Variants in IGHMBP2 observed in about 807,000 individuals in gnomAD.
IGHMBP2 encodes immunoglobulin mu DNA binding protein 2.
A neutral mutation model predicts 96.0 loss-of-function variants in IGHMBP2; 81 were observed. That is an observed-to-expected ratio of 0.84 (90% confidence interval 0.71 to 1.01). IGHMBP2 has a LOEUF of 1.01. Ranked by LOEUF, IGHMBP2 falls within the 50% of genes least tolerant of loss-of-function variation. The pLI is 0.00. For synonymous variants in IGHMBP2, 557 were observed against 548.9 expected (o/e 1.01, Z -0.21); for missense variants, 1,227 against 1,306.3 (o/e 0.94, Z 0.94).
At position 68,911,545 on chromosome 11, in the gene IGHMBP2, C is replaced by T; in HGVS notation, c.653C>T (p.Thr218Ile). 1.2e-6 allele frequency: 2 copies of T among 1,614,186 alleles called. No individual in the cohort carries two copies. Among genetic ancestry groups the T allele is most frequent in the Non-Finnish European group, 1.7e-6 (2 of 1,180,032 alleles). Reference protein sequence around the residue: ...ELAIIHGPPGTGKTTTVVEII... With the variant: ...ELAIIHGPPGIGKTTTVVEII... ...GCCATCATCCATGGACCTCCTGGCA[C>T]TGGGAAAACCACGACTGTGGTTGAG... The change falls in exon 5 of 15, where the codon ACT becomes ATT. Residue 218 changes from threonine to isoleucine, a missense_variant. By Grantham distance (89) the Thr-to-Ile change is moderately conservative. Around this residue, in one of 3 missense-constraint regions of IGHMBP2, gnomAD observed 507 missense variants for 496.9 expected, o/e 1.02. Transcript: ENST00000255078.
chr11:68,936,171 G>T (rs547587395), intron 12 of IGHMBP2, 66 bp from the exon 13 acceptor site: 4 of 1,578,732 alleles, frequency 2.5e-6, no homozygotes, highest in East Asian at 2.2e-5. Context: ...ACTGATAAGG[G>T]CGTAGGAGCC....
intron 8 of IGHMBP2, chr11:68,930,523 T>C (rs1859250348): frequency 8.0e-7 from 1 of 1,254,642 alleles, no homozygotes; most frequent in Non-Finnish European, 1.0e-6. Context: ...GAAAGAGGAG[T>C]GCTGAGGAAA....
intron 2 of IGHMBP2, among the ~76,000 whole-genome samples, chr11:68,907,618 A>G (rs1858254188): frequency 1.3e-5 from 2 of 152,172 alleles, no homozygotes; most frequent in South Asian, 4.1e-4. Flanking sequence ...TAGCCCAACA[A>G]TTACTGGAAT....
chr11:68,934,490 A>AT lies in IGHMBP2; in HGVS notation c.1565dup (p.Gln523ProfsTer12). On this transcript the variant is annotated frameshift_variant, in exon 11 of 15. Coordinates refer to ENST00000255078, the MANE Select transcript of IGHMBP2 (RefSeq NM_002180.3). LOFTEE classifies it high-confidence loss of function. Reference sequence around the variant, plus strand: ...CGAAGTCCGCCTCGTCAGTTTGCACATCCAGGCTCTGGTGGACGCTGGTGT... The same window carrying AT: ...CGAAGTCCGCCTCGTCAGTTTGCACATTCCAGGCTCTGGTGGACGCTGGTGT... The AT allele has an allele frequency of 6.2e-7, 1 of 1,612,492 alleles. No homozygotes were observed. The highest frequency in any genetic ancestry group is 8.5e-7 in the Non-Finnish European group (1 of 1,179,250).
intron 12 of IGHMBP2, 60 bp from the exon 13 acceptor site, chr11:68,936,177 G>A: frequency 6.3e-7 from 1 of 1,593,356 alleles, no homozygotes; most frequent in Non-Finnish European, 8.6e-7. Context: ...AAGGGCGTAG[G>A]AGCCTGACTG....
intron 4 of IGHMBP2, among the ~76,000 whole-genome samples, chr11:68,909,493 A>C (rs991375139): frequency 6.6e-6 from 1 of 151,794 alleles, no homozygotes; most frequent in Non-Finnish European, 1.5e-5. Context: ...ATTGAGTTTT[A>C]AAATAATGTT....
chr11:68,909,386 G>T lies in IGHMBP2; in HGVS notation c.547+755G>T, dbSNP rs1007734396. ...GTGGAGACAGGGTTTTGCCATCTTGGCCAGGCTGTTCTCAAACTCCTGATC... is the reference window on the plus strand; with the variant it reads ...GTGGAGACAGGGTTTTGCCATCTTGTCCAGGCTGTTCTCAAACTCCTGATC... On this transcript the variant is annotated intron_variant, in intron 4 of 14. Transcript: ENST00000255078. 5.9e-5 allele frequency among the ~76,000 whole-genome samples: 9 copies of T among 151,402 alleles called. No individual in the cohort carries two copies. In the South Asian group the frequency reaches 1.7e-3, roughly 28 times the overall value.
At chr11:68,917,171 GT>G (rs1858706574) in intron 6 of IGHMBP2, among the ~76,000 whole-genome samples, 1 of 151,756 alleles carries the variant, frequency 6.6e-6, no homozygotes, top group Admixed American at 6.6e-5. Context: ...TAGAGACAGC[GT>G]TTCACTGTGT....
chr11:68,939,525 C>T lies in IGHMBP2; in HGVS notation c.2785-9C>T. On this transcript the variant is annotated splice_polypyrimidine_tract_variant and intron_variant, in intron 14 of 14. Coordinates refer to ENST00000255078, the MANE Select transcript of IGHMBP2 (RefSeq NM_002180.3). ...GTGAGCCCAGCAGTGATTCTTGTGT[C>T]CTCCCCAGATCCATGGCTGCGGTGA... is the stretch of plus-strand genomic sequence containing the variant. The T allele has an allele frequency of 1.9e-6, 3 of 1,611,520 alleles. No homozygotes were observed. Among genetic ancestry groups the T allele is most frequent in the African/African-American group, 2.7e-5 (2 of 74,996 alleles).
Position 68,923,841 on chromosome 11 carries a change from G to C in IGHMBP2, c.1061-5342G>C, listed in dbSNP as rs528565553. Among the ~76,000 whole-genome samples, 222 of 152,270 alleles carry C rather than the reference G, an allele frequency of 1.5e-3. 1 individual carries two copies. In the South Asian group the frequency reaches 0.018, roughly 12 times the overall value. ...CAATACCCAAGGGAATCTCGCAGCA[G>C]ATCTCTGGGGTTTTTTCTCTCTGTG... is the stretch of plus-strand genomic sequence containing the variant. On this transcript the variant is annotated intron_variant, in intron 7 of 14. Transcript: ENST00000255078.
At chr11:68,930,500 A>G in intron 8 of IGHMBP2, 1 of 1,271,060 alleles carries the variant, frequency 7.9e-7, no homozygotes, top group Non-Finnish European at 1.0e-6. Flanking sequence ...TGTTGGAAAT[A>G]AAGATGGTGG....
Position 68,936,976 on chromosome 11 carries a change from G to T in IGHMBP2, c.2496G>T (p.Thr832=). ...GCCCAGACCAGCCTGATCTGAGGAC[G>T]CTGCACCTGGAGAGACTGCAGAGGG... ...QRGPDQPDLR[T]LHLERLQRVR... Residue 832 remains threonine (T), a synonymous_variant, in exon 13 of 15, where the codon ACG becomes ACT. Transcript: ENST00000255078. 2 of 1,607,708 alleles carry T rather than the reference G, an allele frequency of 1.2e-6. No homozygotes were observed. Among genetic ancestry groups the T allele is most frequent in the Non-Finnish European group, 1.7e-6 (2 of 1,178,026 alleles).
At chr11:68,908,084 A>G (rs1048272746) in intron 2 of IGHMBP2, 61 bp from the exon 3 acceptor site, 5 of 1,296,062 alleles carry the variant, frequency 3.9e-6, no homozygotes, top group Non-Finnish European at 5.6e-6. Flanking sequence ...GGATTTTATT[A>G]CAGAAAATGA....
At position 68,904,803 on chromosome 11, in the gene IGHMBP2, C is replaced by CTTTTCTTTTTTTTTTTTTTTTTTTTTT. The variant is rs892709461; in HGVS notation, c.86+769_86+770insCTTTTTTTTTTTTTTTTTTTTTTTTTT. Reference sequence around the variant, plus strand: ...GTGTAAGTTTCTTTTTTTTCTTTTTCTTTTTTTTTTTTTTAGACAGAGTCT... The same window carrying CTTTTCTTTTTTTTTTTTTTTTTTTTTT: ...GTGTAAGTTTCTTTTTTTTCTTTTTCTTTTCTTTTTTTTTTTTTTTTTTTTTTTTTTTTTTTTTTTTAGACAGAGTCT... On this transcript the variant is annotated intron_variant, in intron 1 of 14. Coordinates refer to ENST00000255078, the MANE Select transcript of IGHMBP2 (RefSeq NM_002180.3). 2.5e-5 allele frequency among the ~76,000 whole-genome samples: 3 copies of CTTTTCTTTTTTTTTTTTTTTTTTTTTT among 120,996 alleles called. 1 individual carries two copies. The highest frequency in any genetic ancestry group is 5.1e-5 in the Non-Finnish European group (3 of 58,308). The allele number at this position is 120,996 out of a possible 152,430, so 79.4% of individuals were successfully genotyped here. A position where few individuals can be genotyped will look rare whatever the true frequency, so the allele number is the denominator to read the frequency against.
chr11:68,915,105 T>G, intron 6 of IGHMBP2, 82 bp downstream of exon 6: 2 of 1,112,088 alleles, frequency 1.8e-6, no homozygotes, highest in Non-Finnish European at 2.7e-6. Flanking sequence ...TCTGTCTGCA[T>G]TCCTCTTGAC....
chr11:68,920,989 G>T (rs1406466443), intron 7 of IGHMBP2, among the ~76,000 whole-genome samples: 1 of 151,286 alleles, frequency 6.6e-6, no homozygotes, highest in Non-Finnish European at 1.5e-5. Flanking sequence ...TAGAGATGGG[G>T]TCTTGCAATG....
chr11:68,917,153 A>G (rs1474007797), intron 6 of IGHMBP2, among the ~76,000 whole-genome samples: 3 of 151,310 alleles, frequency 2.0e-5, no homozygotes, highest in Non-Finnish European at 4.4e-5. Flanking sequence ...AATTTTTTGT[A>G]TTTTTAGTAG....
intron 7 of IGHMBP2, among the ~76,000 whole-genome samples, chr11:68,922,312 G>A (rs948742640): frequency 1.3e-5 from 2 of 150,398 alleles, no homozygotes; most frequent in Non-Finnish European, 3.0e-5. Flanking sequence ...GCCAGACTCC[G>A]TCTCAAAAAA....
chr11:68,919,258 TCTCTC>T (rs1858790754), intron 7 of IGHMBP2, among the ~76,000 whole-genome samples: 1 of 142,908 alleles, frequency 7.0e-6, no homozygotes, highest in African/African-American at 2.5e-5. Flanking sequence ...CCTCTCTTCT[TCTCTC>T]CTCTCCTCAT....
Sources: allele counts gnomAD v4.1 joint callset (sites outside exome capture counted in the v4.1 genomes callset), GRCh38; gene constraint gnomAD v4.1.1; regional missense constraint gnomAD v4.1.1; transcripts MANE v1.5; gene names NCBI Gene and HGNC (gene_info 2026-07-23, HGNC 2026-07-21).